The following PATJ variants were observed in gnomAD, a reference collection of about 807,000 sequenced individuals.
The protein encoded by PATJ is inaD-like protein.
In PATJ, 190 loss-of-function variants were observed where a neutral mutation model predicts 224.9. The ratio of observed to expected loss-of-function variants is 0.84; its 90% CI spans 0.75 to 0.95. PATJ has a LOEUF of 0.95. Ranked by LOEUF, PATJ falls within the 40% of genes least tolerant of loss-of-function variation. PATJ has a pLI of 0.00. For synonymous variants in PATJ, 769 were observed against 820.3 expected (o/e 0.94, Z 1.07); for missense variants, 2,121 against 2,270.3 (o/e 0.93, Z 1.34).
chr1:62,024,276 A>G (rs555910231), intron 29 of PATJ, among the ~76,000 whole-genome samples: 1 of 152,100 alleles, frequency 6.6e-6, no homozygotes, highest in African/African-American at 2.4e-5. Flanking sequence ...TAAGATTGGT[A>G]TCAGTTCTTC....
chr1:61,932,198 G>A (rs1009785828), intron 27 of PATJ, among the ~76,000 whole-genome samples: 1 of 152,102 alleles, frequency 6.6e-6, no homozygotes, highest in African/African-American at 2.4e-5. Context: ...CACAGCCCCA[G>A]CCATTTCTGA....
rs1300031271 is a variant in PATJ, at chr1:61,766,303, T to C, written c.214T>C (p.Ser72Pro). The change falls in exon 4 of 44, where the codon TCA (serine) becomes CCA (proline). Residue 72 changes from serine (S) to proline (P), a missense_variant. Physicochemically the swap from Ser to Pro is moderately conservative, Grantham distance 74. Coordinates refer to ENST00000642238, the MANE Select transcript of PATJ (RefSeq NM_001350145.3). The part of the protein sequence containing the change: ...GQLNHIPSDC[S>P]ANFDFSRKGL... ...GCTCAACCATATACCCTCAGATTGT[T>C]CAGCCAACTTTGATTTTTCTAGGAA... 8.1e-6 allele frequency: 13 copies of C among 1,611,096 alleles called. No homozygotes were observed. The highest frequency in any genetic ancestry group is 1.1e-5 in the Non-Finnish European group (13 of 1,178,578).
At chr1:61,755,549 T>C (rs1645592028) in intron 1 of PATJ, among the ~76,000 whole-genome samples, 1 of 152,136 alleles carries the variant, frequency 6.6e-6, no homozygotes, top group African/African-American at 2.4e-5. Flanking sequence ...ATTTTAAAAA[T>C]AGAAATCTGG....
intron 20 of PATJ, among the ~76,000 whole-genome samples, chr1:61,868,671 T>C (rs1665780625): frequency 6.6e-6 from 1 of 151,946 alleles, no homozygotes; most frequent in Non-Finnish European, 1.5e-5. Context: ...TGCCTGTGGT[T>C]CCAGCTACTC....
chr1:62,074,719 T>G (rs1658010025), intron 31 of PATJ, among the ~76,000 whole-genome samples: 1 of 152,152 alleles, frequency 6.6e-6, no homozygotes, highest in Admixed American at 6.5e-5. Flanking sequence ...ATCCCAGCAC[T>G]TTGGGAGGCT....
At chr1:61,990,977 T>C (rs940940633) in intron 28 of PATJ, among the ~76,000 whole-genome samples, 13 of 152,194 alleles carry the variant, frequency 8.5e-5, no homozygotes, top group African/African-American at 2.4e-4. Flanking sequence ...CACTTAAATT[T>C]AAGGTATCTG....
chr1:61,867,781 T>C (rs921212948), intron 20 of PATJ, among the ~76,000 whole-genome samples: 2 of 152,204 alleles, frequency 1.3e-5, no homozygotes, highest in Non-Finnish European at 2.9e-5. Context: ...CACCCGTTGA[T>C]CAGGATGGGC....
At chr1:61,805,186 C>T (rs1653285554) in intron 12 of PATJ, among the ~76,000 whole-genome samples, 1 of 152,140 alleles carries the variant, frequency 6.6e-6, no homozygotes, top group Admixed American at 6.5e-5. Context: ...CTCATCACGT[C>T]CTCTTTCCTT....
intron 27 of PATJ, among the ~76,000 whole-genome samples, chr1:61,943,515 G>A (rs574601647): frequency 2.0e-5 from 3 of 152,266 alleles, no homozygotes; most frequent in South Asian, 2.1e-4. Context: ...ATCGAACTGC[G>A]AGGTGGCAGT....
chr1:61,841,158 T>C (rs1661024177), intron 17 of PATJ, among the ~76,000 whole-genome samples: 1 of 152,182 alleles, frequency 6.6e-6, no homozygotes, highest in Admixed American at 6.5e-5. Context: ...TTTCTTCCAC[T>C]TAATTTTATT....
intron 21 of PATJ, among the ~76,000 whole-genome samples, chr1:61,877,981 C>T (rs920100596): frequency 6.6e-6 from 1 of 152,128 alleles, no homozygotes; most frequent in Non-Finnish European, 1.5e-5. Flanking sequence ...AGCGCTGTGA[C>T]AGGTTAGAAA....
chr1:62,031,895 A>G (rs1649377684), intron 29 of PATJ, among the ~76,000 whole-genome samples: 1 of 152,226 alleles, frequency 6.6e-6, no homozygotes, highest in African/African-American at 2.4e-5. Context: ...ATTTTGAACA[A>G]TGGTACCTGG....
intron 1 of PATJ, among the ~76,000 whole-genome samples, chr1:61,743,842 G>A: frequency 6.6e-6 from 1 of 152,170 alleles, no homozygotes; most frequent in East Asian, 1.9e-4. Flanking sequence ...GAGCGTTATA[G>A]CCCGAGGTGC....
At chr1:62,133,592 A>G (rs1666491977) in intron 41 of PATJ, among the ~76,000 whole-genome samples, 1 of 152,190 alleles carries the variant, frequency 6.6e-6, no homozygotes, top group South Asian at 2.1e-4. Flanking sequence ...AAAAAAGAAT[A>G]GAAAAGAACC....
chr1:61,984,271 A>C (rs11207884), intron 27 of PATJ, among the ~76,000 whole-genome samples: 39,599 of 150,116 alleles, frequency 0.26, 5,507 homozygotes, highest in East Asian at 0.45. Context: ...AGTGATTCTC[A>C]TGCCTTAGCC....
At chr1:62,138,712 G>A (rs78609740) in intron 41 of PATJ, among the ~76,000 whole-genome samples, 35 of 152,278 alleles carry the variant, frequency 2.3e-4, no homozygotes, top group Non-Finnish European at 4.1e-4. Context: ...TGGGTCTAGC[G>A]GGACATGAGA....
intron 14 of PATJ, among the ~76,000 whole-genome samples, chr1:61,817,621 A>G (rs1301540579): frequency 2.0e-5 from 3 of 152,202 alleles, no homozygotes; most frequent in African/African-American, 7.2e-5. Context: ...AGATCGCACC[A>G]TTGCACTCCC....
chr1:61,756,939 T>A (rs1426761668), intron 1 of PATJ, among the ~76,000 whole-genome samples: 10 of 152,114 alleles, frequency 6.6e-5, no homozygotes, highest in Non-Finnish European at 1.5e-5. Context: ...ACTTTGTAGG[T>A]AGGATTAGTC....
chr1:61,808,638 G>A (rs898941407), intron 14 of PATJ, 108 bp downstream of exon 14: 19 of 669,478 alleles, frequency 2.8e-5, no homozygotes, highest in African/African-American at 1.5e-4. Flanking sequence ...TGATCCTCCC[G>A]TGTTTCCCTC....
Sources: gnomAD v4.1 joint callset for allele counts (sites outside exome capture counted in the v4.1 genomes callset) on GRCh38, gnomAD v4.1.1 for gene constraint, MANE v1.5 for transcripts, NCBI Gene and HGNC (gene_info 2026-07-23, HGNC 2026-07-21) for gene names.